CSF2RA: variants seen among roughly 807,000 people sequenced by gnomAD.
CSF2RA encodes the protein granulocyte-macrophage colony-stimulating factor receptor subunit alpha.
CSF2RA carries 42 observed loss-of-function variants against 51.6 expected under a neutral mutation model. The observed-to-expected ratio is 0.81, with a 90% CI of 0.64 to 1.05. The LOEUF (loss-of-function observed/expected upper bound fraction) is 1.05, where lower values mean the gene tolerates loss of function less well. CSF2RA is among the 50% of genes least tolerant of loss of function. The probability of loss-of-function intolerance (pLI) is 0.00; values close to 1 mark genes in which losing one functional copy is unlikely to be tolerated. For synonymous variants in CSF2RA, 222 were observed against 193.0 expected, an observed-to-expected ratio of 1.15 and a Z score of -1.24; for missense variants, 530 against 501.1, an observed-to-expected ratio of 1.06 and a Z score of -0.55.
rs1403434714 is a variant in CSF2RA at position 1,288,674 on chromosome X, G to A, written c.343+32G>A. On this transcript the variant is annotated intron_variant, in intron 5 of 12. Transcript: ENST00000381529. ...AAGACAGCTCAGGGATCCGTTTACAGCACTGGCCCCACCACCCCGCCAGCA... is the reference window on the plus strand; with the variant it reads ...AAGACAGCTCAGGGATCCGTTTACAACACTGGCCCCACCACCCCGCCAGCA... The A allele has an allele frequency of 8.1e-6, 13 of 1,613,792 alleles. No individual in the cohort carries two copies. The Middle Eastern group carries it at 4.9e-4, about 61-fold the overall frequency.
At chrX:1,309,950 C>T (rs2148726669), downstream of CSF2RA, 1 of 556,228 alleles carries the variant, frequency 1.8e-6, no homozygotes, top group African/African-American at 1.9e-5. Context: ...TGGCTCATGC[C>T]TGTAATCCTA....
chrX:1,287,420 G>A (rs1490037442), intron 4 of CSF2RA, among the ~76,000 whole-genome samples: 2 of 150,078 alleles, frequency 1.3e-5, no homozygotes, highest in Non-Finnish European at 1.5e-5. Flanking sequence ...CCAAAGTGCT[G>A]GCATTACAGG....
downstream of CSF2RA, among the ~76,000 whole-genome samples, chrX:1,314,835 C>T (rs866814210): frequency 1.2e-4 from 12 of 100,760 alleles, 4 homozygotes; most frequent in African/African-American, 4.4e-4. Context: ...CCCAACCGCA[C>T]TGCACCTGCC....
chrX:1,301,163 A>G (rs868688487), intron 10 of CSF2RA, among the ~76,000 whole-genome samples: 21 of 139,068 alleles, frequency 1.5e-4, no homozygotes, highest in African/African-American at 4.8e-4. Context: ...AAAAAAAAAA[A>G]GAAAAAAAAA....
intron 1 of CSF2RA, among the ~76,000 whole-genome samples, chrX:1,269,356 C>T (rs1310449897): frequency 6.6e-6 from 1 of 152,032 alleles, no homozygotes; most frequent in African/African-American, 2.4e-5. Flanking sequence ...CGTGGTGGCT[C>T]ACGCCTGTAA....
chrX:1,311,658 C>A (rs1199077619), downstream of CSF2RA, among the ~76,000 whole-genome samples: 3 of 151,422 alleles, frequency 2.0e-5, no homozygotes, highest in Non-Finnish European at 4.4e-5. Flanking sequence ...GTTGGTCAGG[C>A]TGGTCTCCAT....
chrX:1,270,776 C>T (rs1473741608), intron 1 of CSF2RA, among the ~76,000 whole-genome samples: 2 of 151,044 alleles, frequency 1.3e-5, no homozygotes, highest in East Asian at 1.9e-4. Context: ...CTAAGCTGGG[C>T]GTGGTGTAAT....
intron 10 of CSF2RA, among the ~76,000 whole-genome samples, chrX:1,301,831 C>T (rs1305496839): frequency 6.0e-5 from 9 of 150,334 alleles, no homozygotes; most frequent in African/African-American, 2.2e-4. Context: ...TGGTCTCGAT[C>T]TCCTGACCTC....
chrX:1,296,338 G>C (rs1276332898), intron 9 of CSF2RA, among the ~76,000 whole-genome samples: 2 of 124,576 alleles, frequency 1.6e-5, no homozygotes, highest in African/African-American at 6.4e-5. Flanking sequence ...TCCTACCCAT[G>C]ACCCCTGGCG....
intron 9 of CSF2RA, 95 bp downstream of exon 9, chrX:1,295,551 TG>T: frequency 1.1e-6 from 1 of 892,916 alleles, no homozygotes; most frequent in African/African-American, 1.9e-5. Flanking sequence ...CCCCTACTCA[TG>T]ACCCCTACAG....
At chrX:1,315,595 G>C in the CSF2RA span, among the ~76,000 whole-genome samples, 4 of 152,024 alleles carry the variant, frequency 2.6e-5, no homozygotes, top group African/African-American at 9.7e-5. Context: ...TGTAGAGACA[G>C]GATTTCACCA....
At chrX:1,308,227 G>A (rs1603438505) in intron 12 of CSF2RA, among the ~76,000 whole-genome samples, 1 of 152,306 alleles carries the variant, frequency 6.6e-6, no homozygotes, top group Admixed American at 6.5e-5. Context: ...GGGGACTGTA[G>A]CCTAGTCACG....
chrX:1,298,969 C>T (rs769249534), intron 9 of CSF2RA, among the ~76,000 whole-genome samples: 7 of 152,168 alleles, frequency 4.6e-5, no homozygotes, highest in South Asian at 2.1e-4. Flanking sequence ...ACAGTCTCCA[C>T]GAACCCTACA....
At chrX:1,271,966 T>C (rs1374589805) in intron 1 of CSF2RA, among the ~76,000 whole-genome samples, 1 of 151,642 alleles carries the variant, frequency 6.6e-6, no homozygotes, top group Admixed American at 6.6e-5. Flanking sequence ...TTTCTTTTTT[T>C]TTTTTGAGAC....
At chrX:1,280,127 G>A (rs1420869207) in intron 2 of CSF2RA, among the ~76,000 whole-genome samples, 1 of 152,060 alleles carries the variant, frequency 6.6e-6, no homozygotes, top group Non-Finnish European at 1.5e-5. Context: ...TTTGGAGCAG[G>A]AACCTCAGGG....
intron 2 of CSF2RA, among the ~76,000 whole-genome samples, chrX:1,280,862 CCTCCTCCTCCTTCTCCTGCTCCTT>C (rs2089838251): frequency 1.1e-4 from 14 of 130,340 alleles, no homozygotes; most frequent in Non-Finnish European, 2.0e-4. Context: ...TTCTCCTCCT[CCTCCTCCTCCTTCTCCTGCTCCTT>C]CTCCTCCTCC....
rs190093862 is a variant in CSF2RA at position 1,305,544 on chromosome X, G to A, written c.1125+17G>A. On this transcript the variant is annotated intron_variant, in intron 12 of 12. Transcript: ENST00000381529. ...GAAGACGAGGTAGGCAGGGGTGGGC[G>A]GAGCAGTGACCTGGGATGGAAGGTG... The A allele has an allele frequency of 2.8e-3, 4,527 of 1,613,962 alleles. 65 individuals carry two copies. The highest frequency in any genetic ancestry group is 0.023 in the Middle Eastern group (138 of 6,056).
chrX:1,305,884 C>T (rs1321939102), intron 12 of CSF2RA: 37 of 1,175,374 alleles, frequency 3.1e-5, no homozygotes, highest in Non-Finnish European at 2.0e-5. Flanking sequence ...GGTTCGAGAC[C>T]AGCCTGGCCA....
At chrX:1,291,211 T>G (rs1246352638) in intron 7 of CSF2RA, among the ~76,000 whole-genome samples, 1 of 150,770 alleles carries the variant, frequency 6.6e-6, no homozygotes, top group Admixed American at 6.6e-5. Context: ...CGTCAGCCAC[T>G]GCACCTGACC....
Sources: gnomAD v4.1 joint callset for allele counts (sites outside exome capture counted in the v4.1 genomes callset) on GRCh38, gnomAD v4.1.1 for gene constraint, MANE v1.5 for transcripts, NCBI Gene and HGNC (gene_info 2026-07-23, HGNC 2026-07-21) for gene names.